Variants in CDK5RAP2 observed in about 807,000 individuals in gnomAD.
CDK5RAP2 encodes CDK5 regulatory subunit associated protein 2.
A neutral mutation model predicts 232.9 loss-of-function variants in CDK5RAP2; 147 were observed. The observed-to-expected ratio is 0.63, with a 90% confidence interval of 0.55 to 0.72. The LOEUF is 0.72. Among genes scored for constraint, CDK5RAP2 ranks in the 30% least tolerant of loss-of-function variants. CDK5RAP2 has a pLI of 0.00. For missense variants in CDK5RAP2, 2,195 were observed against 2,231.5 expected (o/e 0.98, Z 0.33); for synonymous variants, 833 against 833.7 (o/e 1.00, Z 0.01).
chr9:120,562,465 AC>A (rs1233669920), intron 3 of CDK5RAP2, among the ~76,000 whole-genome samples: 2 of 151,576 alleles, frequency 1.3e-5, no homozygotes, highest in African/African-American at 4.9e-5. Context: ...CTCAGCAAAA[AC>A]CCCTAGCACC....
chr9:120,576,060 G>A (rs1214751634), intron 1 of CDK5RAP2, among the ~76,000 whole-genome samples: 3 of 152,116 alleles, frequency 2.0e-5, no homozygotes, highest in Non-Finnish European at 4.4e-5. Context: ...AATCCTGGTT[G>A]CAACCTACTA....
At chr9:120,488,758 A>G (rs910603159) in intron 13 of CDK5RAP2, among the ~76,000 whole-genome samples, 2 of 152,254 alleles carry the variant, frequency 1.3e-5, no homozygotes, top group Non-Finnish European at 2.9e-5. Flanking sequence ...ACTGCTCATA[A>G]CTTAGCCATA....
At chr9:120,475,100 C>G (rs2037929914) in intron 15 of CDK5RAP2, among the ~76,000 whole-genome samples, 2 of 152,198 alleles carry the variant, frequency 1.3e-5, no homozygotes, top group African/African-American at 4.8e-5. Context: ...CTAGTTTCAA[C>G]ACAACCCTGT....
In CDK5RAP2 at chr9:120,409,326, T is replaced by TAA; in HGVS notation, c.4415-12_4415-11dup. 6.4e-7 allele frequency: 1 copy of TAA among 1,570,292 alleles called. No homozygotes were observed. Among genetic ancestry groups the TAA allele is most frequent in the East Asian group, 2.4e-5 (1 of 42,412 alleles). ...TTCTCCTTCTGTTTATCTGCAAACA[T>TAA]AAAAAGGTGCCACTGAGAAGGGCCA... On this transcript the variant is annotated splice_polypyrimidine_tract_variant and intron_variant, in intron 29 of 37. Coordinates refer to ENST00000349780, the MANE Select transcript of CDK5RAP2 (RefSeq NM_018249.6).
In CDK5RAP2 at chr9:120,391,694, G is replaced by T. The variant is rs2031996385; in HGVS notation, c.5579-1907C>A. ...GGATGCCTTTTCCTTACTTTCCCCT[G>T]TAGACTCTGAGAAGGTATGGTGTCA... On this transcript the variant is annotated intron_variant, in intron 36 of 37. Coordinates refer to ENST00000349780, the MANE Select transcript of CDK5RAP2 (RefSeq NM_018249.6). Among the ~76,000 whole-genome samples the T allele has an allele frequency of 2.0e-5, 3 of 152,314 alleles. No individual in the cohort carries two copies. The South Asian group carries it at 6.2e-4, about 32-fold the overall frequency.
At chr9:120,520,674 T>G (rs1390234168) in intron 11 of CDK5RAP2, among the ~76,000 whole-genome samples, 1 of 151,314 alleles carries the variant, frequency 6.6e-6, no homozygotes, top group East Asian at 2.0e-4. Context: ...CTCTCATATA[T>G]CACATATCAT....
chr9:120,568,422 G>A (rs767888585), intron 2 of CDK5RAP2, 34 bp from the exon 3 acceptor site: 1 of 1,453,626 alleles, frequency 6.9e-7, no homozygotes, highest in Non-Finnish European at 9.7e-7. Context: ...AAACGTCACA[G>A]CATGCAAACT....
chr9:120,431,420 G>T (rs2035280605), intron 25 of CDK5RAP2, among the ~76,000 whole-genome samples: 1 of 152,198 alleles, frequency 6.6e-6, no homozygotes, highest in East Asian at 1.9e-4. Flanking sequence ...CCAAGTGAAT[G>T]AACCTCTCCG....
intron 13 of CDK5RAP2, among the ~76,000 whole-genome samples, chr9:120,488,707 G>A (rs2038738895): frequency 1.3e-5 from 2 of 152,156 alleles, no homozygotes; most frequent in South Asian, 4.1e-4. Flanking sequence ...CCCAATTTCA[G>A]TTAAATCAAT....
rs2040965395 is a variant in CDK5RAP2, at chr9:120,527,678, T to C, written c.999+128A>G. The C allele has an allele frequency of 3.9e-6, 4 of 1,026,236 alleles. No individual in the cohort carries two copies. In the South Asian group the frequency reaches 4.4e-5, roughly 11 times the overall value. The allele number at this position is 1,026,236 out of a possible 1,614,324, so 63.6% of individuals were successfully genotyped here. A position where few individuals can be genotyped will look rare whatever the true frequency, so the allele number is the denominator to read the frequency against. Reference sequence around the variant, plus strand: ...GAATTTCCGGTTGACTAGAGGATCATTTCCCCACTTTCTATACTACCTCAG... The same window carrying C: ...GAATTTCCGGTTGACTAGAGGATCACTTCCCCACTTTCTATACTACCTCAG... On this transcript the variant is annotated intron_variant, in intron 10 of 37. Transcript: ENST00000349780.
chr9:120,390,549 A>G (rs565132982), intron 36 of CDK5RAP2, among the ~76,000 whole-genome samples: 1 of 152,326 alleles, frequency 6.6e-6, no homozygotes, highest in East Asian at 1.9e-4. Flanking sequence ...TTCAGGAGCA[A>G]CTGTAAAGGT....
chr9:120,518,210 T>TGTGTGTGAGACA (rs1554770753), intron 12 of CDK5RAP2, among the ~76,000 whole-genome samples: 6 of 43,930 alleles, frequency 1.4e-4, no homozygotes, highest in African/African-American at 3.3e-4. Flanking sequence ...TGTGTGTGTG[T>TGTGTGTGAGACA]GAGAGAGAGA....
intron 16 of CDK5RAP2, among the ~76,000 whole-genome samples, chr9:120,470,970 G>A (rs750615628): frequency 6.6e-6 from 1 of 152,180 alleles, no homozygotes; most frequent in Non-Finnish European, 1.5e-5. Context: ...ATCTGGGCAC[G>A]TCAAACCCCA....
chr9:120,533,013 T>TA (rs1346466607), intron 7 of CDK5RAP2, among the ~76,000 whole-genome samples: 1 of 152,162 alleles, frequency 6.6e-6, no homozygotes, highest in African/African-American at 2.4e-5. Context: ...TCTGTACCTT[T>TA]ACGTGCTGTT....
chr9:120,450,207 G>A lies in CDK5RAP2; in HGVS notation c.2794-2081C>T, dbSNP rs574734318. ...ATGAAGTACTGATACATGCTACAAC[G>A]TGAATGAACCTCAAAAACAGTATGC... is the stretch of plus-strand genomic sequence containing the variant. On this transcript the variant is annotated intron_variant, in intron 21 of 37. Coordinates refer to ENST00000349780, the MANE Select transcript of CDK5RAP2 (RefSeq NM_018249.6). 2.0e-4 allele frequency among the ~76,000 whole-genome samples: 30 copies of A among 152,266 alleles called. No homozygotes were observed. The East Asian group carries it at 3.9e-3, about 20-fold the overall frequency.
intron 3 of CDK5RAP2, among the ~76,000 whole-genome samples, chr9:120,563,003 A>C (rs181467000): frequency 2.4e-4 from 37 of 152,328 alleles, no homozygotes; most frequent in Non-Finnish European, 4.4e-4. Context: ...ATAGAGACAC[A>C]TGTTAAGCAA....
At chr9:120,577,415 G>A (rs1307860300) in intron 1 of CDK5RAP2, among the ~76,000 whole-genome samples, 1 of 152,018 alleles carries the variant, frequency 6.6e-6, no homozygotes, top group Non-Finnish European at 1.5e-5. Context: ...ATTGTCAGAG[G>A]CTGGGAGAAG....
At chr9:120,438,313 A>G (rs1457662331) in intron 24 of CDK5RAP2, among the ~76,000 whole-genome samples, 1 of 152,188 alleles carries the variant, frequency 6.6e-6, no homozygotes, top group Non-Finnish European at 1.5e-5. Flanking sequence ...AAAGATGTTG[A>G]CACTTCAGTT....
At chr9:120,466,954 C>T (rs1186916211) in intron 18 of CDK5RAP2, among the ~76,000 whole-genome samples, 3 of 152,224 alleles carry the variant, frequency 2.0e-5, no homozygotes. Flanking sequence ...AAAGGCCCTA[C>T]TACTGCACTT....
Sources: gnomAD v4.1 joint callset for allele counts (sites outside exome capture counted in the v4.1 genomes callset) on GRCh38, gnomAD v4.1.1 for gene constraint, MANE v1.5 for transcripts, NCBI Gene and HGNC (gene_info 2026-07-23, HGNC 2026-07-21) for gene names.